XXYLT1: variants seen among roughly 807,000 people sequenced by gnomAD.
The protein encoded by XXYLT1 is xyloside xylosyltransferase 1.
A neutral mutation model predicts 28.9 loss-of-function variants in XXYLT1; 20 were observed. The ratio of observed to expected loss-of-function variants is 0.69; its 90% confidence interval spans 0.49 to 1.00. XXYLT1 has a LOEUF of 1.00. Ranked by LOEUF, XXYLT1 falls within the 50% of genes least tolerant of loss-of-function variation. XXYLT1 has a pLI of 0.00. For synonymous variants in XXYLT1, 257 were observed against 253.8 expected (o/e 1.01, Z -0.12); for missense variants, 542 against 560.1 (o/e 0.97, Z 0.33).
intron 2 of XXYLT1, among the ~76,000 whole-genome samples, chr3:195,165,822 G>A (rs533762372): frequency 7.2e-5 from 11 of 152,154 alleles, no homozygotes; most frequent in South Asian, 2.1e-4. Flanking sequence ...AAAGATGGAC[G>A]ATCTAGCATC....
chr3:195,195,727 C>T lies in XXYLT1; in HGVS notation c.652+30982G>A, dbSNP rs1037112092. Among the ~76,000 whole-genome samples, 1 of 152,198 alleles carries T rather than the reference C, an allele frequency of 6.6e-6. No individual in the cohort carries two copies. Among genetic ancestry groups the T allele is most frequent in the Non-Finnish European group, 1.5e-5 (1 of 68,034 alleles). ...ACAGCTCGGAGGGCCCGGGCAGTGC[C>T]GTGCTGGGAATGCTCTTCCTGCACC... On this transcript the variant is annotated intron_variant, in intron 2 of 3. Coordinates refer to ENST00000310380, the MANE Select transcript of XXYLT1 (RefSeq NM_152531.5). This position sits in a 1 kb window ranked among gnomAD's most constrained non-coding sequence, Gnocchi z 4.4.
chr3:195,123,456 C>T (rs1002599886), intron 3 of XXYLT1, among the ~76,000 whole-genome samples: 1 of 152,220 alleles, frequency 6.6e-6, no homozygotes, highest in Non-Finnish European at 1.5e-5. Flanking sequence ...GGAGGTGCTA[C>T]TGCCTGAGTC....
rs1718512570 is a variant in XXYLT1, at chr3:195,124,431, A to G, written c.785+32018T>C. Among the ~76,000 whole-genome samples the G allele has an allele frequency of 6.6e-6, 1 of 152,234 alleles. No individual in the cohort carries two copies. On this transcript the variant is annotated intron_variant, in intron 3 of 3. Transcript: ENST00000310380. This position sits in a 1 kb window ranked among gnomAD's most constrained non-coding sequence, Gnocchi z 4.1. ...AAGGGAAATGGTTTGCGATGGCAGCATGAGAGAGCTCTGGGGCTTTGGGCC... is the reference window on the plus strand; with the variant it reads ...AAGGGAAATGGTTTGCGATGGCAGCGTGAGAGAGCTCTGGGGCTTTGGGCC...
intron 3 of XXYLT1, among the ~76,000 whole-genome samples, chr3:195,131,166 G>C (rs1401010220): frequency 6.6e-6 from 1 of 152,206 alleles, no homozygotes; most frequent in African/African-American, 2.4e-5. Context: ...GCCTCGCTTT[G>C]TCACAGGCAT....
intron 2 of XXYLT1, among the ~76,000 whole-genome samples, chr3:195,214,085 G>A (rs1028501902): frequency 6.6e-6 from 1 of 152,206 alleles, no homozygotes; most frequent in Non-Finnish European, 1.5e-5. Flanking sequence ...TAGGCTCAAA[G>A]TCTGAGCAAG....
intron 3 of XXYLT1, chr3:195,094,069 C>T (rs1035518519): frequency 1.9e-5 from 3 of 155,270 alleles, no homozygotes; most frequent in South Asian, 2.0e-4. Flanking sequence ...TGTGGAATTT[C>T]GTGGGCTGGC....
At position 195,115,301 on chromosome 3, in the gene XXYLT1, A is replaced by G. The variant is rs1288262298; in HGVS notation, c.785+41148T>C. 6.6e-6 allele frequency among the ~76,000 whole-genome samples: 1 copy of G among 152,148 alleles called. No individual in the cohort carries two copies. Among genetic ancestry groups the G allele is most frequent in the African/African-American group, 2.4e-5 (1 of 41,492 alleles). ...CCAGAAAAGCAGGGCAGTGGTGGTG[A>G]TTTCTGTCCAAACTCCATAATCCTC... is the stretch of plus-strand genomic sequence containing the variant. On this transcript the variant is annotated intron_variant, in intron 3 of 3. Coordinates refer to ENST00000310380, the MANE Select transcript of XXYLT1 (RefSeq NM_152531.5). This position sits in a 1 kb window ranked among gnomAD's most constrained non-coding sequence, Gnocchi z 4.2.
chr3:195,158,562 C>G (rs964203919), intron 2 of XXYLT1, among the ~76,000 whole-genome samples: 1 of 152,216 alleles, frequency 6.6e-6, no homozygotes, highest in African/African-American at 2.4e-5. Flanking sequence ...TCCTAAAGCA[C>G]CTTCCAGGAA....
At chr3:195,245,569 G>A (rs941785924) in intron 1 of XXYLT1, among the ~76,000 whole-genome samples, 1 of 152,208 alleles carries the variant, frequency 6.6e-6, no homozygotes, top group Non-Finnish European at 1.5e-5. Context: ...AGCGGCAGCT[G>A]AAGGAACTAC....
Position 195,200,172 on chromosome 3 carries a change from T to C in XXYLT1, c.652+26537A>G, listed in dbSNP as rs536677701. ...GCAAGACCTTCCAAATCTCGCGCTC[T>C]AGAAAGCCGTGAAGCAGCGCGGTTC... On this transcript the variant is annotated intron_variant, in intron 2 of 3. Coordinates refer to ENST00000310380, the MANE Select transcript of XXYLT1 (RefSeq NM_152531.5). Among the ~76,000 whole-genome samples, 9 of 152,216 alleles carry C rather than the reference T, an allele frequency of 5.9e-5. No individual in the cohort carries two copies. In the South Asian group the frequency reaches 6.2e-4, roughly 11 times the overall value.
At chr3:195,132,313 A>C (rs1560111059) in intron 3 of XXYLT1, among the ~76,000 whole-genome samples, 1 of 152,198 alleles carries the variant, frequency 6.6e-6, no homozygotes, top group Non-Finnish European at 1.5e-5. Flanking sequence ...TTACAAATAA[A>C]GAAATTAGCC....
At chr3:195,197,271 T>C (rs183582432) in intron 2 of XXYLT1, among the ~76,000 whole-genome samples, 50 of 152,250 alleles carry the variant, frequency 3.3e-4, no homozygotes, top group African/African-American at 1.1e-3. Flanking sequence ...ACCTCGTCTC[T>C]ACTAAAAATA....
At chr3:195,166,044 T>TG (rs1406325740) in intron 2 of XXYLT1, among the ~76,000 whole-genome samples, 1 of 152,016 alleles carries the variant, frequency 6.6e-6, no homozygotes, top group Non-Finnish European at 1.5e-5. Flanking sequence ...CACAGGAAGG[T>TG]GGGGAAGTCC....
intron 1 of XXYLT1, among the ~76,000 whole-genome samples, chr3:195,253,506 T>TC (rs1170284777): frequency 5.5e-4 from 82 of 149,324 alleles, no homozygotes; most frequent in East Asian, 1.9e-3. Context: ...TTTTTTTCTT[T>TC]TTTTTTTTTT....
intron 3 of XXYLT1, among the ~76,000 whole-genome samples, chr3:195,128,168 G>A (rs1314498570): frequency 6.6e-6 from 1 of 152,166 alleles, no homozygotes; most frequent in East Asian, 1.9e-4. Context: ...CTAGCATGCA[G>A]TCCTAGTCTG....
rs201549762 is a variant in XXYLT1, at chr3:195,181,379, T to A, written c.653-24798A>T. 7.2e-5 allele frequency among the ~76,000 whole-genome samples: 11 copies of A among 152,352 alleles called. No homozygotes were observed. The East Asian group carries it at 2.1e-3, about 29-fold the overall frequency. ...GTCTACACTTTCATCTTCTACACATTTACCCCCTGGCCCTGAGTGTCTACT... is the reference window on the plus strand; with the variant it reads ...GTCTACACTTTCATCTTCTACACATATACCCCCTGGCCCTGAGTGTCTACT... On this transcript the variant is annotated intron_variant, in intron 2 of 3. Transcript: ENST00000310380.
intron 2 of XXYLT1, among the ~76,000 whole-genome samples, chr3:195,194,480 A>C (rs534477789): frequency 6.6e-6 from 1 of 152,324 alleles, no homozygotes; most frequent in South Asian, 2.1e-4. Flanking sequence ...AATATAAATG[A>C]GTACAAGCAC....
intron 3 of XXYLT1, among the ~76,000 whole-genome samples, chr3:195,100,486 T>C (rs1716715858): frequency 6.6e-6 from 1 of 152,072 alleles, no homozygotes; most frequent in African/African-American, 2.4e-5. Context: ...GCTAATGTCA[T>C]GCTCCTCAGT....
intron 2 of XXYLT1, among the ~76,000 whole-genome samples, chr3:195,172,091 T>C (rs556567432): frequency 3.3e-5 from 5 of 152,234 alleles, no homozygotes; most frequent in Non-Finnish European, 7.3e-5. Flanking sequence ...CATTCATATT[T>C]TAAGTACCAT....
Sources: allele counts gnomAD v4.1 joint callset (sites outside exome capture counted in the v4.1 genomes callset), GRCh38; gene constraint gnomAD v4.1.1; non-coding constraint Gnocchi (gnomAD v3.1); transcripts MANE v1.5; gene names NCBI Gene and HGNC (gene_info 2026-07-23, HGNC 2026-07-21).